Variants in FGGY observed in about 807,000 individuals in gnomAD.
FGGY encodes FGGY carbohydrate kinase domain-containing protein.
FGGY carries 72 observed loss-of-function variants against 71.3 expected under a neutral mutation model. The ratio of observed to expected loss-of-function variants is 1.01; its 90% CI spans 0.84 to 1.23. FGGY has a LOEUF of 1.23. Ranked by LOEUF, FGGY falls within the 50% of genes most tolerant of loss-of-function variation. FGGY has a pLI of 0.00. For missense variants in FGGY, 668 were observed against 682.3 expected (o/e 0.98, Z 0.23); for synonymous variants, 251 against 250.3 (o/e 1.00, Z -0.02).
chr1:59,514,707 G>A (rs907677195), intron 7 of FGGY, among the ~76,000 whole-genome samples: 66 of 152,128 alleles, frequency 4.3e-4, no homozygotes, highest in African/African-American at 1.4e-3. Context: ...CACGAGATCC[G>A]ATAGGTTTAT....
rs563801998 is a variant in FGGY, at chr1:59,563,187, G to T, written c.903+8960G>T. ...CTTGTCTTGTGCCGGTTTTCAAAGG[G>T]AATGCTTCCAGCTTTTGCCCACTCA... is the stretch of plus-strand genomic sequence containing the variant. On this transcript the variant is annotated intron_variant, in intron 8 of 15. Transcript: ENST00000303721. Among the ~76,000 whole-genome samples the T allele has an allele frequency of 2.1e-4, 32 of 152,306 alleles. 1 individual carries two copies. In the South Asian group the frequency reaches 6.6e-3, roughly 32 times the overall value.
chr1:59,653,963 C>A (rs1001622408), intron 11 of FGGY, among the ~76,000 whole-genome samples: 1 of 152,182 alleles, frequency 6.6e-6, no homozygotes, highest in Non-Finnish European at 1.5e-5. Context: ...ACCAGAGAAT[C>A]CAGGATAATC....
chr1:59,486,236 A>T (rs72915643), intron 6 of FGGY, among the ~76,000 whole-genome samples: 2,814 of 152,288 alleles, frequency 0.018, 98 homozygotes, highest in African/African-American at 0.065. Flanking sequence ...AAGAAGAGCC[A>T]AGGAACAGCA....
At chr1:59,392,473 A>G (rs532219406) in intron 5 of FGGY, among the ~76,000 whole-genome samples, 1 of 152,176 alleles carries the variant, frequency 6.6e-6, no homozygotes, top group East Asian at 1.9e-4. Flanking sequence ...CATCTGCAAA[A>G]TGTGCTGCTT....
chr1:59,502,312 T>G (rs2094250281), intron 6 of FGGY, among the ~76,000 whole-genome samples: 1 of 152,158 alleles, frequency 6.6e-6, no homozygotes, highest in African/African-American at 2.4e-5. Flanking sequence ...GAAAAAGCCA[T>G]TATGTAGAGC....
chr1:59,712,713 G>A (rs930802993), intron 14 of FGGY, among the ~76,000 whole-genome samples: 3 of 152,080 alleles, frequency 2.0e-5, no homozygotes, highest in Admixed American at 6.6e-5. Context: ...AGGGCACCAA[G>A]TCCTAGGCTG....
At chr1:59,642,744 A>C (rs1443433778) in intron 11 of FGGY, among the ~76,000 whole-genome samples, 1 of 151,954 alleles carries the variant, frequency 6.6e-6, no homozygotes, top group Non-Finnish European at 1.5e-5. Context: ...AAAAACCATT[A>C]CATACGGCTG....
chr1:59,710,896 A>T (rs542828843), intron 14 of FGGY, among the ~76,000 whole-genome samples: 5 of 152,288 alleles, frequency 3.3e-5, no homozygotes, highest in African/African-American at 9.6e-5. Context: ...TTCCTCAAGG[A>T]TCTAGAACTA....
chr1:59,502,748 C>T (rs972497194), intron 6 of FGGY, among the ~76,000 whole-genome samples: 3 of 152,162 alleles, frequency 2.0e-5, no homozygotes, highest in South Asian at 2.1e-4. Flanking sequence ...AACTGGTTGA[C>T]TCCAGGGAAG....
chr1:59,618,039 A>G (rs2096773847), intron 9 of FGGY, among the ~76,000 whole-genome samples: 1 of 152,088 alleles, frequency 6.6e-6, no homozygotes, highest in South Asian at 2.1e-4. Flanking sequence ...TAATGATTTC[A>G]TGCCTTCATT....
chr1:59,724,503 CCT>C (rs997250873), intron 14 of FGGY, among the ~76,000 whole-genome samples: 1 of 151,874 alleles, frequency 6.6e-6, no homozygotes, highest in African/African-American at 2.4e-5. Context: ...AAAAAATTCC[CCT>C]GTGTTTTACC....
intron 9 of FGGY, among the ~76,000 whole-genome samples, chr1:59,611,548 A>G (rs1002090877): frequency 1.3e-5 from 2 of 152,214 alleles, no homozygotes; most frequent in Non-Finnish European, 2.9e-5. Context: ...AAAGATGGGG[A>G]AAAAACAGAG....
chr1:59,408,383 A>G (rs2063078722), intron 5 of FGGY, among the ~76,000 whole-genome samples: 1 of 152,216 alleles, frequency 6.6e-6, no homozygotes, highest in Non-Finnish European at 1.5e-5. Context: ...TACTTATTAA[A>G]TAAAACTGAA....
intron 5 of FGGY, among the ~76,000 whole-genome samples, chr1:59,400,980 A>G (rs2061891111): frequency 6.6e-6 from 1 of 152,106 alleles, no homozygotes; most frequent in Admixed American, 6.5e-5. Context: ...TATGAGTATG[A>G]GAACTAAGCA....
At chr1:59,577,741 T>A (rs530656825) in intron 8 of FGGY, among the ~76,000 whole-genome samples, 1 of 152,180 alleles carries the variant, frequency 6.6e-6, no homozygotes, top group Non-Finnish European at 1.5e-5. Context: ...TTTCATTTCA[T>A]AAGTTAGAGT....
intron 13 of FGGY, among the ~76,000 whole-genome samples, chr1:59,668,221 G>C (rs549422995): frequency 6.6e-6 from 1 of 152,276 alleles, no homozygotes; most frequent in South Asian, 2.1e-4. Flanking sequence ...GTCGCAGAGA[G>C]TGGCCTGGAC....
rs188314828 is a variant in FGGY at position 59,363,930 on chromosome 1, G to A, written c.466-14819G>A. Reference sequence around the variant, plus strand: ...GTTGTGGCCTTTGTCCATGCCCAGCGGGAAATCACAGTGGAACTCTGCAAC... The same window carrying A: ...GTTGTGGCCTTTGTCCATGCCCAGCAGGAAATCACAGTGGAACTCTGCAAC... On this transcript the variant is annotated intron_variant, in intron 4 of 15. Coordinates refer to ENST00000303721, the MANE Select transcript of FGGY (RefSeq NM_018291.5). Among the ~76,000 whole-genome samples the A allele has an allele frequency of 9.8e-4, 149 of 152,218 alleles. 2 individuals are homozygous for A. Among genetic ancestry groups the A allele is most frequent in the Admixed American group, 5.8e-3 (89 of 15,280 alleles).
intron 4 of FGGY, among the ~76,000 whole-genome samples, chr1:59,354,453 A>G (rs1345697990): frequency 6.6e-6 from 1 of 152,200 alleles, no homozygotes; most frequent in Admixed American, 6.5e-5. Flanking sequence ...CTCAGCTAAT[A>G]AGTGGCAAGG....
At chr1:59,474,248 A>G (rs1302887294) in intron 6 of FGGY, 2 of 152,262 alleles carry the variant, frequency 1.3e-5, no homozygotes, top group African/African-American at 4.8e-5. Flanking sequence ...CCTCCTTTCA[A>G]TACGGCATCT....
Sources: gnomAD v4.1 joint callset for allele counts (sites outside exome capture counted in the v4.1 genomes callset) on GRCh38, gnomAD v4.1.1 for gene constraint, MANE v1.5 for transcripts, NCBI Gene and HGNC (gene_info 2026-07-23, HGNC 2026-07-21) for gene names.